The following MIA3 variants were observed in gnomAD, a reference collection of about 807,000 sequenced individuals.
MIA3 encodes the protein MIA SH3 domain ER export factor 3, also known as transport and Golgi organization protein 1 homolog.
A neutral mutation model predicts 192.4 loss-of-function variants in MIA3; 90 were observed. The observed-to-expected ratio is 0.47, with a 90% confidence interval of 0.39 to 0.56. MIA3 has a LOEUF of 0.56. MIA3 is among the 20% of genes least tolerant of loss of function. The pLI is 0.00. For synonymous variants in MIA3, 740 were observed against 792.8 expected (o/e 0.93, Z 1.12); for missense variants, 2,123 against 2,269.4 (o/e 0.94, Z 1.31).
At chr1:222,644,835 A>G (rs1227170765) in intron 6 of MIA3, among the ~76,000 whole-genome samples, 1 of 151,294 alleles carries the variant, frequency 6.6e-6, no homozygotes, top group African/African-American at 2.4e-5. Flanking sequence ...GTGTGAAGTC[A>G]TGATCAAAAC....
chr1:222,620,947 T>C (rs1042425052), intron 1 of MIA3, among the ~76,000 whole-genome samples: 1 of 152,234 alleles, frequency 6.6e-6, no homozygotes, highest in African/African-American at 2.4e-5. Context: ...AAGGTTTTCC[T>C]TTCCCTTGTC....
chr1:222,640,207 G>T (rs1662791044), intron 6 of MIA3, among the ~76,000 whole-genome samples: 1 of 152,112 alleles, frequency 6.6e-6, no homozygotes, highest in African/African-American at 2.4e-5. Flanking sequence ...AATAGATGGA[G>T]AGATAGACCT....
intron 8 of MIA3, 101 bp downstream of exon 8, chr1:222,648,951 C>T: frequency 2.6e-6 from 2 of 771,562 alleles, no homozygotes; most frequent in East Asian, 5.6e-5. Flanking sequence ...TGATGTCTGA[C>T]TGACTTATAG....
intron 3 of MIA3, among the ~76,000 whole-genome samples, chr1:222,626,156 G>T (rs551339911): frequency 6.6e-6 from 1 of 152,190 alleles, no homozygotes; most frequent in Non-Finnish European, 1.5e-5. Context: ...GCTGCAGAGC[G>T]TGCAAGCTGC....
chr1:222,659,379 C>A, intron 19 of MIA3, 74 bp from the exon 20 acceptor site: 2 of 1,331,826 alleles, frequency 1.5e-6, no homozygotes, highest in South Asian at 1.2e-5. Flanking sequence ...GTTAGGGTAA[C>A]GGTTAACATA....
chr1:222,618,197 C>T lies in MIA3; in HGVS notation c.87C>T (p.Gly29=). 1 of 1,497,434 alleles carries T rather than the reference C, an allele frequency of 6.7e-7. No individual in the cohort carries two copies. Among genetic ancestry groups the T allele is most frequent in the Non-Finnish European group, 8.9e-7 (1 of 1,121,042 alleles). 92.8% of individuals were successfully genotyped at this position (1,497,434 alleles called of 1,614,324 possible). Residue 29 remains glycine (G), a synonymous_variant, in exon 1 of 28, where the codon GGC becomes GGT. Coordinates refer to ENST00000344922, the MANE Select transcript of MIA3 (RefSeq NM_198551.4). ...RVPGQLDPST[G]RRFSEHKLCA... ...CGGGCCAGCTGGACCCCAGCACTGG[C>T]CGGCGGTTCTCGGAGCACAAACTCT...
In MIA3 at chr1:222,653,144, T is replaced by A. The variant is rs775357138; in HGVS notation, c.4209+14T>A. 3 of 1,600,626 alleles carry A rather than the reference T, an allele frequency of 1.9e-6. No homozygotes were observed. The Admixed American group carries it at 5.0e-5, about 27-fold the overall frequency. Reference sequence around the variant, plus strand: ...GATAATATTAATGTAAGTGCGTTCATGAATACAAGCTTAATTCTTGTGAAT... The same window carrying A: ...GATAATATTAATGTAAGTGCGTTCAAGAATACAAGCTTAATTCTTGTGAAT... On this transcript the variant is annotated intron_variant, in intron 14 of 27. Coordinates refer to ENST00000344922, the MANE Select transcript of MIA3 (RefSeq NM_198551.4).
At chr1:222,662,918 G>T in intron 26 of MIA3, 1 of 156,492 alleles carries the variant, frequency 6.4e-6, no homozygotes, top group Non-Finnish European at 1.4e-5. Flanking sequence ...TGCTGGAAGT[G>T]AAATACTGAA....
intron 6 of MIA3, among the ~76,000 whole-genome samples, chr1:222,638,278 A>G (rs1662717135): frequency 6.6e-6 from 1 of 152,234 alleles, no homozygotes; most frequent in Non-Finnish European, 1.5e-5. Flanking sequence ...TCACAATATA[A>G]TTAAGTTAGA....
chr1:222,627,011 C>T lies in MIA3; in HGVS notation c.355-564C>T, dbSNP rs537350381. 2.6e-5 allele frequency among the ~76,000 whole-genome samples: 4 copies of T among 152,248 alleles called. No individual in the cohort carries two copies. The East Asian group carries it at 7.7e-4, about 29-fold the overall frequency. On this transcript the variant is annotated intron_variant, in intron 3 of 27. Coordinates refer to ENST00000344922, the MANE Select transcript of MIA3 (RefSeq NM_198551.4). ...GCATAGATGATGGGAGTTGGGGAAC[C>T]CAATAAATGACACCTTACTTTTCCC... is the stretch of plus-strand genomic sequence containing the variant.
At position 222,652,306 on chromosome 1, in the gene MIA3, G is replaced by C; in HGVS notation, c.4060G>C (p.Ala1354Pro). 5 of 1,613,524 alleles carry C rather than the reference G, an allele frequency of 3.1e-6. No individual in the cohort carries two copies. The highest frequency in any genetic ancestry group is 4.2e-6 in the Non-Finnish European group (5 of 1,179,524). The change falls in exon 13 of 28, where the codon GCT becomes CCT. Residue 1354 changes from alanine to proline, a missense_variant. Physicochemically the swap from Ala to Pro is conservative, Grantham distance 27. This residue lies in a region of MIA3 where 762 missense variants were observed against 856.4 expected (regional missense o/e 0.89). Coordinates refer to ENST00000344922, the MANE Select transcript of MIA3 (RefSeq NM_198551.4). ...ATGCCATCGGGTTCAAGAAGAAAAT[G>C]CTAGGCTTAAGAAGAAAAAAGAGCA... Reference protein sequence around the residue: ...SECHRVQEENARLKKKKEQLQ... With the variant: ...SECHRVQEENPRLKKKKEQLQ...
intron 1 of MIA3, among the ~76,000 whole-genome samples, chr1:222,619,425 C>A (rs545988613): frequency 1.3e-5 from 2 of 152,106 alleles, no homozygotes; most frequent in Admixed American, 1.3e-4. Flanking sequence ...TTATCAAAAC[C>A]GAATTTCATA....
chr1:222,644,366 C>A, intron 6 of MIA3: 1 of 1,506,986 alleles, frequency 6.6e-7, no homozygotes, highest in Non-Finnish European at 8.9e-7. Flanking sequence ...AGTTCAATCC[C>A]AGAGTCCGCC....
intron 6 of MIA3, among the ~76,000 whole-genome samples, chr1:222,637,366 A>G (rs1263597745): frequency 1.3e-5 from 2 of 152,210 alleles, no homozygotes; most frequent in African/African-American, 2.4e-5. Flanking sequence ...GGAGGCATTT[A>G]ACATCTGGGT....
intron 1 of MIA3, among the ~76,000 whole-genome samples, chr1:222,620,754 C>T (rs780502664): frequency 8.5e-5 from 13 of 152,178 alleles, no homozygotes; most frequent in Non-Finnish European, 1.9e-4. Flanking sequence ...TTAAGTTAAT[C>T]ATCATCTGGG....
Position 222,645,599 on chromosome 1 carries a change from T to C in MIA3, c.3523T>C (p.Tyr1175His). ...PDDVQPGPDF[Y>H]GLPWKPVFIT... ...TGATGTTCAGCCTGGGCCTGATTTT[T>C]ATGGACTGCCATGGAAACCTGTATT... Residue 1175 changes from tyrosine (Y) to histidine (H), a missense_variant, in exon 7 of 28, where the codon TAT becomes CAT. By Grantham distance (83) the Tyr-to-His change is moderately conservative. Coordinates refer to ENST00000344922, the MANE Select transcript of MIA3 (RefSeq NM_198551.4). 2.5e-6 allele frequency: 4 copies of C among 1,613,758 alleles called. No individual in the cohort carries two copies. The highest frequency in any genetic ancestry group is 3.4e-6 in the Non-Finnish European group (4 of 1,179,776).
Position 222,667,588 on chromosome 1 carries a change from T to G in MIA3, c.*1969T>G, listed in dbSNP as rs1226957306. 1 of 152,190 alleles carries G rather than the reference T, an allele frequency of 6.6e-6. No individual in the cohort carries two copies. Among genetic ancestry groups the G allele is most frequent in the Non-Finnish European group, 1.5e-5 (1 of 68,034 alleles). The allele number at this position is 152,190 out of a possible 1,614,324, so 9.4% of individuals were successfully genotyped here. ...TGAGAAACTGGTAAGCTGTAAAGAT[T>G]CCAGTGTAGCTTCTCTGAGAAGTTG... is the stretch of plus-strand genomic sequence containing the variant. On this transcript the variant is annotated 3_prime_UTR_variant, in exon 28 of 28. Coordinates refer to ENST00000344922, the MANE Select transcript of MIA3 (RefSeq NM_198551.4).
intron 18 of MIA3, among the ~76,000 whole-genome samples, chr1:222,658,124 C>A (rs1291364745): frequency 6.6e-6 from 1 of 152,154 alleles, no homozygotes; most frequent in African/African-American, 2.4e-5. Flanking sequence ...GATTCTTTTT[C>A]TGTTCAACAG....
At chr1:222,664,506 C>T (rs577420161) in intron 27 of MIA3, among the ~76,000 whole-genome samples, 103 of 152,268 alleles carry the variant, frequency 6.8e-4, no homozygotes, top group African/African-American at 2.4e-3. Flanking sequence ...ACACATTCTA[C>T]AACATAAAGC....
Sources: allele counts gnomAD v4.1 joint callset (sites outside exome capture counted in the v4.1 genomes callset), GRCh38; gene constraint gnomAD v4.1.1; regional missense constraint gnomAD v4.1.1; transcripts MANE v1.5; gene names NCBI Gene and HGNC (gene_info 2026-07-23, HGNC 2026-07-21).